The following EXOC4 variants were observed in gnomAD, a reference collection of about 807,000 sequenced individuals.
EXOC4 encodes exocyst complex component 4, also known as SEC8-like 1.
Under a neutral mutation model 107.2 loss-of-function variants are expected in EXOC4, and 71 were observed. The ratio of observed to expected loss-of-function variants is 0.66; its 90% confidence interval spans 0.55 to 0.81. EXOC4 has a LOEUF of 0.81. Ranked by LOEUF, EXOC4 falls within the 30% of genes least tolerant of loss-of-function variation. The pLI is 0.00. For missense variants in EXOC4, 1,108 were observed against 1,189.6 expected (o/e 0.93, Z 1.01); for synonymous variants, 456 against 441.2 (o/e 1.03, Z -0.42).
chr7:133,741,008 T>C (rs1273516815), intron 10 of EXOC4, among the ~76,000 whole-genome samples: 1 of 152,164 alleles, frequency 6.6e-6, no homozygotes, highest in Non-Finnish European at 1.5e-5. Context: ...TTAACACTGG[T>C]GGAAACAGTC....
chr7:133,261,919 C>G (rs185070787), intron 1 of EXOC4, among the ~76,000 whole-genome samples: 6 of 152,154 alleles, frequency 3.9e-5, no homozygotes, highest in African/African-American at 1.4e-4. Flanking sequence ...ACCTGTCACA[C>G]GTGTGCTGAT....
intron 3 of EXOC4, among the ~76,000 whole-genome samples, chr7:133,298,488 T>C (rs1168725632): frequency 1.3e-5 from 2 of 152,308 alleles, no homozygotes; most frequent in East Asian, 1.9e-4. Flanking sequence ...AGTGGTCTCT[T>C]CTATTGGATT....
chr7:133,441,831 G>T (rs956486427), intron 7 of EXOC4, among the ~76,000 whole-genome samples: 2 of 152,134 alleles, frequency 1.3e-5, no homozygotes, highest in Non-Finnish European at 2.9e-5. Flanking sequence ...GTTTGTGTGT[G>T]GGGGGTGTGT....
rs1199976012 is a variant in EXOC4 at position 133,961,835 on chromosome 7, A to G, written c.2206+23766A>G. Among the ~76,000 whole-genome samples, 3 of 152,324 alleles carry G rather than the reference A, an allele frequency of 2.0e-5. 1 individual carries two copies. In the South Asian group the frequency reaches 6.2e-4, roughly 32 times the overall value. On this transcript the variant is annotated intron_variant, in intron 14 of 17. Coordinates refer to ENST00000253861, the MANE Select transcript of EXOC4 (RefSeq NM_021807.4). ...GTAACTCTTAGACCAGACTCTTTCA[A>G]CAGCAGTAATAGTTGGCATTTGTAG...
At chr7:133,905,101 C>G (rs1360818609) in intron 12 of EXOC4, among the ~76,000 whole-genome samples, 1 of 152,202 alleles carries the variant, frequency 6.6e-6, no homozygotes, top group Non-Finnish European at 1.5e-5. Flanking sequence ...ACGTTGCACT[C>G]TGATTTTCTC....
chr7:133,838,558 T>C (rs1797964743), intron 11 of EXOC4, among the ~76,000 whole-genome samples: 1 of 152,228 alleles, frequency 6.6e-6, no homozygotes, highest in Admixed American at 6.5e-5. Flanking sequence ...TTCTAAAGTT[T>C]TAATATTCAC....
intron 11 of EXOC4, among the ~76,000 whole-genome samples, chr7:133,822,259 A>G (rs905749529): frequency 3.3e-5 from 5 of 152,210 alleles, no homozygotes; most frequent in African/African-American, 1.2e-4. Context: ...TATATCTCCC[A>G]GAGTACAAAT....
intron 10 of EXOC4, among the ~76,000 whole-genome samples, chr7:133,762,179 A>G (rs1270852205): frequency 6.6e-6 from 1 of 152,124 alleles, no homozygotes; most frequent in Non-Finnish European, 1.5e-5. Context: ...CCCAATTGAG[A>G]ATTCTATCAC....
At chr7:134,095,111 G>T in the EXOC4 span, among the ~76,000 whole-genome samples, 2 of 152,104 alleles carry the variant, frequency 1.3e-5, no homozygotes, top group East Asian at 1.9e-4. Flanking sequence ...AAAGTTTCAG[G>T]CTACAAAATC....
intron 9 of EXOC4, among the ~76,000 whole-genome samples, chr7:133,518,348 C>T (rs1799918968): frequency 7.1e-6 from 1 of 141,478 alleles, no homozygotes; most frequent in Non-Finnish European, 1.5e-5. Flanking sequence ...ATTATTCATT[C>T]ATGCCCTCTC....
intron 10 of EXOC4, among the ~76,000 whole-genome samples, chr7:133,813,688 A>G (rs764435155): frequency 3.9e-5 from 6 of 152,022 alleles, no homozygotes; most frequent in Non-Finnish European, 8.8e-5. Flanking sequence ...TTAAAGATCC[A>G]TTATATTTTG....
chr7:133,837,978 A>G (rs774727553), intron 11 of EXOC4, among the ~76,000 whole-genome samples: 124 of 152,342 alleles, frequency 8.1e-4, no homozygotes, highest in Middle Eastern at 6.8e-3. Context: ...CCCAAATGAC[A>G]GCATATAGCC....
At chr7:133,571,197 C>T (rs1229436582) in intron 9 of EXOC4, among the ~76,000 whole-genome samples, 1 of 152,154 alleles carries the variant, frequency 6.6e-6, no homozygotes, top group Non-Finnish European at 1.5e-5. Context: ...AGAAAAGTTT[C>T]AGAACTGTGT....
chr7:133,657,334 G>T (rs989897792), intron 10 of EXOC4, among the ~76,000 whole-genome samples: 1 of 152,060 alleles, frequency 6.6e-6, no homozygotes, highest in Non-Finnish European at 1.5e-5. Flanking sequence ...TTACTTCCGA[G>T]CATTTTTTTT....
intron 9 of EXOC4, among the ~76,000 whole-genome samples, chr7:133,492,780 T>C (rs1372370167): frequency 6.6e-6 from 1 of 152,238 alleles, no homozygotes; most frequent in Non-Finnish European, 1.5e-5. Flanking sequence ...CTATTAGCGA[T>C]GTCTCTTGAT....
intron 7 of EXOC4, among the ~76,000 whole-genome samples, chr7:133,423,496 G>T (rs1398162657): frequency 6.6e-6 from 1 of 152,228 alleles, no homozygotes; most frequent in Non-Finnish European, 1.5e-5. Context: ...GTATGTGCAT[G>T]TGTGTAGACT....
At chr7:133,471,723 G>A (rs1798884309) in intron 7 of EXOC4, among the ~76,000 whole-genome samples, 1 of 151,974 alleles carries the variant, frequency 6.6e-6, no homozygotes, top group South Asian at 2.1e-4. Flanking sequence ...TTTTTAAAAA[G>A]TTCAGCAATT....
intron 14 of EXOC4, among the ~76,000 whole-genome samples, chr7:133,988,430 A>G (rs1366746701): frequency 6.6e-6 from 1 of 152,118 alleles, no homozygotes; most frequent in Non-Finnish European, 1.5e-5. Flanking sequence ...TGCATTGGTC[A>G]GTTTAATTAA....
intron 7 of EXOC4, among the ~76,000 whole-genome samples, chr7:133,472,890 C>A (rs770163648): frequency 6.6e-6 from 1 of 152,070 alleles, no homozygotes; most frequent in Non-Finnish European, 1.5e-5. Flanking sequence ...GAAAAATGAT[C>A]TTAAAATACC....
Sources: allele counts gnomAD v4.1 joint callset (sites outside exome capture counted in the v4.1 genomes callset), GRCh38; gene constraint gnomAD v4.1.1; transcripts MANE v1.5; gene names NCBI Gene and HGNC (gene_info 2026-07-23, HGNC 2026-07-21).